TPRG1: variants seen among roughly 807,000 people sequenced by gnomAD.
TPRG1 encodes the protein tumor protein p63 regulated 1, also known as tumor protein p63-regulated gene 1 protein.
Under a neutral mutation model 29.3 loss-of-function variants are expected in TPRG1, and 29 were observed. That is an observed-to-expected ratio of 0.99 (90% CI 0.74 to 1.35). The LOEUF is 1.35. Ranked by LOEUF, TPRG1 falls within the 40% of genes most tolerant of loss-of-function variation. The probability of loss-of-function intolerance (pLI) is 0.00; values close to 1 mark genes in which losing one functional copy is unlikely to be tolerated. For missense variants in TPRG1, 327 were observed against 335.0 expected (o/e 0.98, Z 0.19); for synonymous variants, 130 against 116.8 (o/e 1.11, Z -0.73).
At chr3:189,101,490 G>T (rs1355250922) in intron 1 of TPRG1, among the ~76,000 whole-genome samples, 1 of 151,646 alleles carries the variant, frequency 6.6e-6, no homozygotes, top group Non-Finnish European at 1.5e-5. Context: ...TGGACCTCTG[G>T]CAACCATGGA....
chr3:189,283,050 C>G (rs899528739), intron 4 of TPRG1, among the ~76,000 whole-genome samples: 1 of 152,030 alleles, frequency 6.6e-6, no homozygotes, highest in Admixed American at 6.6e-5. Context: ...CCGAGTAAAC[C>G]ATTCATATCT....
At chr3:189,072,482 A>G (rs921095080) in intron 4 of TPRG1, among the ~76,000 whole-genome samples, 1 of 152,158 alleles carries the variant, frequency 6.6e-6, no homozygotes, top group African/African-American at 2.4e-5. Context: ...GATAAAATGG[A>G]AATTATCCCT....
chr3:189,008,059 AG>A (rs1712394979), intron 3 of TPRG1, among the ~76,000 whole-genome samples: 1 of 99,898 alleles, frequency 1.0e-5, no homozygotes, highest in Non-Finnish European at 2.0e-5. Flanking sequence ...AAAAAAGAAA[AG>A]AAAGAAAAAA....
At chr3:189,058,652 A>T in intron 4 of TPRG1, among the ~76,000 whole-genome samples, 1 of 152,220 alleles carries the variant, frequency 6.6e-6, no homozygotes, top group East Asian at 1.9e-4. Context: ...TTTAAGAAAA[A>T]TAATTGTTAA....
intron 1 of TPRG1, among the ~76,000 whole-genome samples, chr3:189,199,789 C>T (rs1047288158): frequency 3.3e-5 from 5 of 151,974 alleles, no homozygotes; most frequent in African/African-American, 7.2e-5. Flanking sequence ...CTGATCCAGG[C>T]GAATCTCTTG....
chr3:189,250,123 C>T (rs1184998068), intron 4 of TPRG1, among the ~76,000 whole-genome samples: 1 of 152,138 alleles, frequency 6.6e-6, no homozygotes, highest in Admixed American at 6.5e-5. Context: ...TAATTCCAGC[C>T]TTCCTAATTA....
intron 3 of TPRG1, among the ~76,000 whole-genome samples, chr3:189,022,303 G>A (rs1350260202): frequency 6.8e-6 from 1 of 147,994 alleles, no homozygotes; most frequent in African/African-American, 2.5e-5. Context: ...AGGAGGAGAG[G>A]CACTCTGCTT....
intron 1 of TPRG1, among the ~76,000 whole-genome samples, chr3:189,183,697 G>T (rs1182640633): frequency 1.3e-5 from 2 of 152,004 alleles, no homozygotes; most frequent in Admixed American, 6.6e-5. Flanking sequence ...GAGAAATATG[G>T]CTCTGTTCCA....
rs1354140339 is a variant in TPRG1, at chr3:189,033,197, A to G, written c.-463+9251A>G. On this transcript the variant is annotated intron_variant, in intron 4 of 10. Coordinates refer to the TPRG1 transcript ENST00000433971. ...TTTAGTCTTTGGGTAGCTTTGTACC[A>G]AACTAAAAGCCAGGTTCTCTATTAC... is the stretch of plus-strand genomic sequence containing the variant. Among the ~76,000 whole-genome samples the G allele has an allele frequency of 3.3e-5, 5 of 152,178 alleles. No homozygotes were observed. In the South Asian group the frequency reaches 1.0e-3, roughly 32 times the overall value.
At chr3:189,146,077 TG>T (rs1725223958) in intron 3 of TPRG1, among the ~76,000 whole-genome samples, 4 of 152,244 alleles carry the variant, frequency 2.6e-5, no homozygotes, top group Admixed American at 6.5e-5. Context: ...AACCTTTTTC[TG>T]TAATAGTCAG....
At chr3:189,211,359 C>G (rs987186948) in intron 2 of TPRG1, among the ~76,000 whole-genome samples, 1 of 152,074 alleles carries the variant, frequency 6.6e-6, no homozygotes, top group African/African-American at 2.4e-5. Flanking sequence ...GAGTAAGCAG[C>G]CGATGCCATA....
chr3:189,105,869 T>TAA (rs1719760378), intron 1 of TPRG1, among the ~76,000 whole-genome samples: 1 of 152,068 alleles, frequency 6.6e-6, no homozygotes, highest in South Asian at 2.1e-4. Context: ...TCAGCCTAAG[T>TAA]AAAACCTAGT....
chr3:189,304,745 T>G (rs2109285153), intron 4 of TPRG1, among the ~76,000 whole-genome samples: 1 of 152,236 alleles, frequency 6.6e-6, no homozygotes, highest in East Asian at 1.9e-4. Flanking sequence ...TTGTCCAGAT[T>G]AAATAAGCAA....
intron 5 of TPRG1, among the ~76,000 whole-genome samples, chr3:189,319,198 T>C (rs532335358): frequency 6.6e-6 from 1 of 152,302 alleles, no homozygotes; most frequent in African/African-American, 2.4e-5. Flanking sequence ...TCTTGACTTC[T>C]GGGTCTGTGA....
intron 4 of TPRG1, among the ~76,000 whole-genome samples, chr3:189,046,608 T>A (rs1276162016): frequency 6.7e-6 from 1 of 149,620 alleles, no homozygotes; most frequent in Non-Finnish European, 1.5e-5. Flanking sequence ...CACCACAGGG[T>A]TTTTAAGGCT....
chr3:189,191,738 A>C (rs1373115418), intron 1 of TPRG1, among the ~76,000 whole-genome samples: 1 of 152,190 alleles, frequency 6.6e-6, no homozygotes, highest in Non-Finnish European at 1.5e-5. Flanking sequence ...TCTATTTTTA[A>C]GACCTGGGCT....
intron 1 of TPRG1, among the ~76,000 whole-genome samples, chr3:189,115,551 CA>C (rs1263521194): frequency 6.6e-6 from 1 of 152,194 alleles, no homozygotes. Flanking sequence ...CTTTATAATG[CA>C]GACTTTTAAA....
At chr3:189,091,760 G>A (rs1461757797) in intron 4 of TPRG1, among the ~76,000 whole-genome samples, 1 of 152,068 alleles carries the variant, frequency 6.6e-6, no homozygotes, top group Admixed American at 6.6e-5. Flanking sequence ...TATGCACTGA[G>A]TTATTTATTA....
chr3:189,111,478 G>A (rs1027303028), intron 1 of TPRG1, among the ~76,000 whole-genome samples: 135 of 152,054 alleles, frequency 8.9e-4, no homozygotes, highest in African/African-American at 2.8e-3. Context: ...AAATGGAGGG[G>A]CTTCTTATTT....
Sources: allele counts gnomAD v4.1 joint callset (sites outside exome capture counted in the v4.1 genomes callset), GRCh38; gene constraint gnomAD v4.1.1; transcripts MANE v1.5; gene names NCBI Gene and HGNC (gene_info 2026-07-23, HGNC 2026-07-21).